YAP1: variants seen among roughly 807,000 people sequenced by gnomAD.
YAP1 encodes the protein transcriptional coactivator YAP1.
Under a neutral mutation model 56.9 loss-of-function variants are expected in YAP1, and 5 were observed. The observed-to-expected ratio is 0.09, with a 90% CI of 0.05 to 0.18. The LOEUF is 0.18. Among genes scored for constraint, YAP1 ranks in the 10% least tolerant of loss-of-function variants. The pLI is 1.00. For missense variants in YAP1, 539 were observed against 651.8 expected, an observed-to-expected ratio of 0.83 and a Z score of 1.88; for synonymous variants, 265 against 248.1, an observed-to-expected ratio of 1.07 and a Z score of -0.64.
intron 2 of YAP1, among the ~76,000 whole-genome samples, chr11:102,120,667 T>G (rs1327981841): frequency 6.6e-6 from 1 of 152,236 alleles, no homozygotes; most frequent in Non-Finnish European, 1.5e-5. Flanking sequence ...ATTGATTGCT[T>G]AACCTAAAGG....
chr11:102,167,340 A>G (rs1473210721), intron 3 of YAP1, among the ~76,000 whole-genome samples: 2 of 152,246 alleles, frequency 1.3e-5, no homozygotes, highest in Non-Finnish European at 2.9e-5. Flanking sequence ...ATGTATTAAG[A>G]TAATGGTTGT....
intron 2 of YAP1, among the ~76,000 whole-genome samples, chr11:102,123,637 T>TC (rs1943827837): frequency 1.2e-5 from 1 of 80,884 alleles, no homozygotes; most frequent in Non-Finnish European, 3.0e-5. Context: ...CTTTTCTTTT[T>TC]TTTTTTTTCT....
intron 2 of YAP1, among the ~76,000 whole-genome samples, chr11:102,122,980 GCA>G (rs1943773380): frequency 6.6e-6 from 1 of 150,780 alleles, no homozygotes; most frequent in Non-Finnish European, 1.5e-5. Flanking sequence ...TTCTTCAGAG[GCA>G]AGCACTTTCC....
At chr11:102,212,677 C>T (rs779134375) in intron 6 of YAP1, among the ~76,000 whole-genome samples, 3 of 152,028 alleles carry the variant, frequency 2.0e-5, no homozygotes, top group Non-Finnish European at 2.9e-5. Context: ...CTCTGCCTCC[C>T]GGGTTCAAAT....
At chr11:102,163,163 G>A (rs1361682328) in intron 3 of YAP1, among the ~76,000 whole-genome samples, 2 of 152,008 alleles carry the variant, frequency 1.3e-5, no homozygotes, top group African/African-American at 4.8e-5. Context: ...AGATAAACCT[G>A]AGTATAAATC....
chr11:102,154,097 T>A (rs2135363483), intron 2 of YAP1, among the ~76,000 whole-genome samples: 1 of 152,298 alleles, frequency 6.6e-6, no homozygotes. Flanking sequence ...AAGGTGATAA[T>A]ATATTTCATA....
intron 6 of YAP1, among the ~76,000 whole-genome samples, chr11:102,223,030 G>A (rs979118887): frequency 1.3e-5 from 2 of 151,914 alleles, no homozygotes; most frequent in East Asian, 3.9e-4. Context: ...TGGATCACGA[G>A]GTCAAGAGAT....
chr11:102,132,352 A>G (rs141703065), intron 2 of YAP1, among the ~76,000 whole-genome samples: 2,351 of 152,344 alleles, frequency 0.015, 21 homozygotes, highest in Non-Finnish European at 0.023. Flanking sequence ...TTGCATCTCA[A>G]GAGAGTCCTC....
chr11:102,160,895 G>T (rs1163509330), intron 2 of YAP1, among the ~76,000 whole-genome samples: 1 of 151,842 alleles, frequency 6.6e-6, no homozygotes, highest in Non-Finnish European at 1.5e-5. Flanking sequence ...TTAAACACTT[G>T]TATCCCTTCC....
At chr11:102,116,245 C>T (rs1256936909) in intron 2 of YAP1, among the ~76,000 whole-genome samples, 1 of 152,130 alleles carries the variant, frequency 6.6e-6, no homozygotes, top group Non-Finnish European at 1.5e-5. Context: ...AATGTAACAA[C>T]TATTTAGCCT....
At chr11:102,214,000 T>C (rs566743096) in intron 6 of YAP1, among the ~76,000 whole-genome samples, 11 of 151,990 alleles carry the variant, frequency 7.2e-5, no homozygotes, top group Non-Finnish European at 1.6e-4. Context: ...ATGGCCTGAG[T>C]CTGGGAGGCA....
At chr11:102,215,330 A>G (rs912231985) in intron 6 of YAP1, among the ~76,000 whole-genome samples, 4 of 151,984 alleles carry the variant, frequency 2.6e-5, no homozygotes, top group Non-Finnish European at 4.4e-5. Flanking sequence ...ATTGATTACC[A>G]CCCTCCCTGC....
Position 102,114,178 on chromosome 11 carries a change from C to A in YAP1, c.356C>A (p.Thr119Asn). The change falls in exon 2 of 9, where the codon ACT becomes AAT. Residue 119 changes from threonine (T) to asparagine (N), a missense_variant. Thr to Asn is a moderately conservative substitution (Grantham distance 65, BLOSUM62 0). This residue lies in a region of YAP1 where 414 missense variants were observed against 512.4 expected (regional missense o/e 0.81). Transcript: ENST00000282441. The stretch of plus-strand genomic sequence containing the variant: ...GATGCAGGCACTGCAGGAGCCCTGA[C>A]TCCACAGCATGTTCGAGCTCATTCC... Reference protein sequence around the residue: ...STDAGTAGALTPQHVRAHSSP... With the variant: ...STDAGTAGALNPQHVRAHSSP... 1.2e-6 allele frequency: 2 copies of A among 1,614,004 alleles called. No homozygotes were observed. The highest frequency in any genetic ancestry group is 8.5e-7 in the Non-Finnish European group (1 of 1,179,864).
intron 1 of YAP1, among the ~76,000 whole-genome samples, chr11:102,111,576 C>A (rs1011247421): frequency 6.7e-6 from 1 of 150,298 alleles, no homozygotes; most frequent in South Asian, 2.1e-4. Context: ...CCGCGCGCTC[C>A]GCACCTTCGC....
At chr11:102,180,126 C>T (rs1052042526) in intron 3 of YAP1, among the ~76,000 whole-genome samples, 3 of 151,064 alleles carry the variant, frequency 2.0e-5, no homozygotes, top group African/African-American at 7.3e-5. Flanking sequence ...TCTCCTGCCT[C>T]AGCCTCCCAA....
At chr11:102,131,512 G>C (rs1439599140) in intron 2 of YAP1, among the ~76,000 whole-genome samples, 3 of 152,198 alleles carry the variant, frequency 2.0e-5, no homozygotes, top group African/African-American at 7.2e-5. Flanking sequence ...AGATCTTGCT[G>C]TCTTTGTTCA....
chr11:102,209,702 A>G, intron 6 of YAP1, 138 bp downstream of exon 6: 2 of 772,972 alleles, frequency 2.6e-6, no homozygotes, highest in Non-Finnish European at 3.8e-6. Flanking sequence ...CTTTCTACCA[A>G]GATACTCAGG....
At chr11:102,164,555 GAGTA>G (rs1021072390) in intron 3 of YAP1, among the ~76,000 whole-genome samples, 5 of 152,202 alleles carry the variant, frequency 3.3e-5, no homozygotes, top group African/African-American at 1.2e-4. Context: ...TATTTTGGAA[GAGTA>G]AGTATTTCGC....
At chr11:102,173,231 T>TATTG (rs1947023397) in intron 3 of YAP1, among the ~76,000 whole-genome samples, 1 of 152,110 alleles carries the variant, frequency 6.6e-6, no homozygotes, top group Non-Finnish European at 1.5e-5. Context: ...CCCTGGAACC[T>TATTG]CTAATACCAT....
Sources: gnomAD v4.1 joint callset for allele counts (sites outside exome capture counted in the v4.1 genomes callset) on GRCh38, gnomAD v4.1.1 for gene constraint, gnomAD v4.1.1 regional missense constraint, MANE v1.5 for transcripts, NCBI Gene and HGNC (gene_info 2026-07-23, HGNC 2026-07-21) for gene names.